GRIP1: variants seen among roughly 807,000 people sequenced by gnomAD.
The protein encoded by GRIP1 is glutamate receptor interacting protein 1.
Under a neutral mutation model 129.9 loss-of-function variants are expected in GRIP1, and 45 were observed. The observed-to-expected ratio is 0.35, with a 90% confidence interval of 0.27 to 0.44. GRIP1 has a LOEUF of 0.44. Ranked by LOEUF, GRIP1 falls within the 20% of genes least tolerant of loss-of-function variation. The pLI, the probability that GRIP1 is intolerant of heterozygous loss-of-function variation, is 1.00. For synonymous variants in GRIP1, 530 were observed against 520.8 expected, an observed-to-expected ratio of 1.02 and a Z score of -0.24; for missense variants, 1,196 against 1,396.8, an observed-to-expected ratio of 0.86 and a Z score of 2.29.
intron 1 of GRIP1, among the ~76,000 whole-genome samples, chr12:66,794,273 TG>T (rs975706838): frequency 6.6e-6 from 1 of 152,216 alleles, no homozygotes; most frequent in Admixed American, 6.5e-5. Context: ...GATAGGTTTC[TG>T]TGGGTGGCTT....
intron 5 of GRIP1, among the ~76,000 whole-genome samples, chr12:66,522,155 G>A (rs2061035129): frequency 6.6e-6 from 1 of 152,168 alleles, no homozygotes; most frequent in South Asian, 2.1e-4. Flanking sequence ...AGAGAGTAGT[G>A]GTTCTCCCAG....
intron 16 of GRIP1, among the ~76,000 whole-genome samples, chr12:66,401,598 G>GTATATATATATATATATATATATA (rs1555177931): frequency 1.5e-5 from 1 of 66,262 alleles, no homozygotes; most frequent in African/African-American, 6.1e-5. Context: ...AAATATGTGT[G>GTATATATATATATATATATATATA]TATATATATA....
rs1169241331 is a variant in GRIP1 at position 66,401,609 on chromosome 12, T to TATATATATACACACAC, written c.1984+4673_1984+4674insGTGTGTGTATATATAT. ...AAAAAAATATGTGTGTATATATATA[T>TATATATATACACACAC]ACACACACACACACACACACACACA... is the stretch of plus-strand genomic sequence containing the variant. On this transcript the variant is annotated intron_variant, in intron 16 of 24. Coordinates refer to ENST00000359742, the MANE Select transcript of GRIP1 (RefSeq NM_001366722.1). Among the ~76,000 whole-genome samples the TATATATATACACACAC allele has an allele frequency of 2.9e-4, 32 of 110,186 alleles. 2 individuals carry two copies. The highest frequency in any genetic ancestry group is 9.6e-4 in the Admixed American group (10 of 10,454). The allele number at this position is 110,186 out of a possible 152,430, so 72.3% of individuals were successfully genotyped here. A position where few individuals can be genotyped will look rare whatever the true frequency, so the allele number is the denominator to read the frequency against.
rs150963024 is a variant in GRIP1, at chr12:66,905,087, T to C, written c.58+163963A>G. On this transcript the variant is annotated intron_variant, in intron 1 of 1. Coordinates refer to the GRIP1 transcript ENST00000643019. ...GTTGACTCTGTAAAAGCATTTGTGATACCTCACAAAGTAGATAGCATTTGG... is the reference window on the plus strand; with the variant it reads ...GTTGACTCTGTAAAAGCATTTGTGACACCTCACAAAGTAGATAGCATTTGG... Among the ~76,000 whole-genome samples, 60 of 152,306 alleles carry C rather than the reference T, an allele frequency of 3.9e-4. No individual in the cohort carries two copies. The East Asian group carries it at 7.7e-3, about 20-fold the overall frequency.
chr12:66,536,424 G>GCT (rs1746797381), intron 4 of GRIP1, among the ~76,000 whole-genome samples: 1 of 151,934 alleles, frequency 6.6e-6, no homozygotes, highest in African/African-American at 2.4e-5. Context: ...TTCTCTTACT[G>GCT]CTCATTCTGC....
chr12:66,528,145 T>TTTTTGTTTG (rs1555201206), intron 5 of GRIP1, among the ~76,000 whole-genome samples: 12 of 142,748 alleles, frequency 8.4e-5, no homozygotes, highest in Admixed American at 1.4e-4. Flanking sequence ...TTTTTTTTTT[T>TTTTTGTTTG]TTTTTTTGAG....
rs566069611 is a variant in GRIP1, at chr12:66,679,069, T to G, written c.-165A>C. ...TTGGCTGATGCAGAGGTCCGCTACA[T>G]GTCATCTGGCAAATCTGTGTCATTC... On this transcript the variant is annotated 5_prime_UTR_variant, in exon 1 of 25. An upstream start codon of the reference 5' UTR is lost. Coordinates refer to ENST00000359742, the MANE Select transcript of GRIP1 (RefSeq NM_001366722.1). The G allele has an allele frequency of 1.7e-3, 2,556 of 1,516,942 alleles. 3 individuals are homozygous for G. The highest frequency in any genetic ancestry group is 2.8e-3 in the Middle Eastern group (14 of 5,038). The allele number at this position is 1,516,942 out of a possible 1,614,324, so 94.0% of individuals were successfully genotyped here. A position where few individuals can be genotyped will look rare whatever the true frequency, so the allele number is the denominator to read the frequency against.
At chr12:66,387,749 T>C (rs552821065) in intron 19 of GRIP1, among the ~76,000 whole-genome samples, 1 of 152,258 alleles carries the variant, frequency 6.6e-6, no homozygotes, top group Non-Finnish European at 1.5e-5. Flanking sequence ...GGCAAGATGA[T>C]GATGAAACAT....
chr12:66,615,452 C>T (rs988000407), intron 1 of GRIP1, among the ~76,000 whole-genome samples: 9 of 152,150 alleles, frequency 5.9e-5, no homozygotes, highest in South Asian at 2.1e-4. Flanking sequence ...GAGCTGGCTG[C>T]TCCTTATCGT....
chr12:66,481,324 G>A (rs1416339480), intron 7 of GRIP1, among the ~76,000 whole-genome samples: 1 of 151,624 alleles, frequency 6.6e-6, no homozygotes, highest in Admixed American at 6.6e-5. Context: ...AGACATTTAT[G>A]TGGCCAACAA....
At chr12:66,878,641 T>C (rs546014209) in intron 1 of GRIP1, among the ~76,000 whole-genome samples, 122 of 152,220 alleles carry the variant, frequency 8.0e-4, no homozygotes, top group Non-Finnish European at 1.5e-3. Flanking sequence ...GCACCTACTA[T>C]GTATCAGACT....
At chr12:66,674,232 G>T (rs933976164) in intron 1 of GRIP1, among the ~76,000 whole-genome samples, 6 of 152,146 alleles carry the variant, frequency 3.9e-5, no homozygotes, top group Non-Finnish European at 5.9e-5. Flanking sequence ...GGAATCATTA[G>T]AGAAGACTGC....
chr12:66,528,372 C>G (rs1330729388), intron 5 of GRIP1, among the ~76,000 whole-genome samples: 1 of 152,074 alleles, frequency 6.6e-6, no homozygotes, highest in African/African-American at 2.4e-5. Flanking sequence ...CTCCTGACCT[C>G]ATTATCTGCC....
At chr12:66,688,823 C>G (rs966301286) in intron 1 of GRIP1, among the ~76,000 whole-genome samples, 2 of 148,074 alleles carry the variant, frequency 1.4e-5, no homozygotes, top group Non-Finnish European at 3.0e-5. Context: ...GAGGAAACAA[C>G]CCTCTAATAA....
chr12:66,832,469 C>T, intron 1 of GRIP1, among the ~76,000 whole-genome samples: 1 of 152,012 alleles, frequency 6.6e-6, no homozygotes, highest in African/African-American at 2.4e-5. Flanking sequence ...TCCATCCTTC[C>T]TGGGAACCAA....
intron 1 of GRIP1, among the ~76,000 whole-genome samples, chr12:66,678,475 A>G (rs2034441480): frequency 6.6e-6 from 1 of 152,152 alleles, no homozygotes; most frequent in Non-Finnish European, 1.5e-5. Context: ...TGCATTTAGT[A>G]TATGTATCAT....
chr12:66,456,328 T>G lies in GRIP1; in HGVS notation c.1057A>C (p.Ser353Arg). The G allele has an allele frequency of 7.8e-7, 1 of 1,289,052 alleles. No individual in the cohort carries two copies. Among genetic ancestry groups the G allele is most frequent in the Non-Finnish European group, 1.0e-6 (1 of 988,164 alleles). The allele number at this position is 1,289,052 out of a possible 1,614,324, so 79.9% of individuals were successfully genotyped here. A position where few individuals can be genotyped will look rare whatever the true frequency, so the allele number is the denominator to read the frequency against. Residue 353 changes from serine to arginine, a missense_variant, in exon 10 of 25, where the codon AGC (serine) becomes CGC (arginine). Coordinates refer to ENST00000359742, the MANE Select transcript of GRIP1 (RefSeq NM_001366722.1). The part of the protein sequence containing the change: ...KGPDHVKIQR[S>R]DRQLTWDSWA... ...GAATCCCAGGTAAGTTGCCTGTCGC[T>G]CCTCTGAATTTTCACTGCCCATATG...
chr12:66,832,967 A>G (rs1309849667), intron 1 of GRIP1, among the ~76,000 whole-genome samples: 1 of 152,110 alleles, frequency 6.6e-6, no homozygotes, highest in African/African-American at 2.4e-5. Flanking sequence ...TGCAGCATGG[A>G]GTTTGTGTTG....
intron 1 of GRIP1, among the ~76,000 whole-genome samples, chr12:67,020,816 TG>T (rs1376132906): frequency 6.6e-6 from 1 of 152,164 alleles, no homozygotes; most frequent in Non-Finnish European, 1.5e-5. Context: ...ATATATAATC[TG>T]GGCCCAGTGC....
Sources: gnomAD v4.1 joint callset for allele counts (sites outside exome capture counted in the v4.1 genomes callset) on GRCh38, gnomAD v4.1.1 for gene constraint, MANE v1.5 for transcripts, NCBI Gene and HGNC (gene_info 2026-07-23, HGNC 2026-07-21) for gene names.